The following KLHL8 variants were observed in gnomAD, a reference collection of about 807,000 sequenced individuals.
KLHL8 encodes kelch like family member 8, also known as kelch-like protein 8.
KLHL8 carries 38 observed loss-of-function variants against 63.5 expected under a neutral mutation model. The ratio of observed to expected loss-of-function variants is 0.60; its 90% CI spans 0.46 to 0.78. KLHL8 has a LOEUF of 0.78. KLHL8 is among the 30% of genes least tolerant of loss of function. The probability of loss-of-function intolerance (pLI) is 0.00; values close to 1 mark genes in which losing one functional copy is unlikely to be tolerated. For missense variants in KLHL8, 566 were observed against 752.4 expected (o/e 0.75, Z 2.90); for synonymous variants, 224 against 254.3 (o/e 0.88, Z 1.13).
upstream of KLHL8, among the ~76,000 whole-genome samples, chr4:87,222,274 G>C (rs1732888957): frequency 6.6e-6 from 1 of 152,080 alleles, no homozygotes; most frequent in Non-Finnish European, 1.5e-5. Flanking sequence ...TTTTTCCCAG[G>C]CCATTGTATG....
At chr4:87,200,670 C>G (rs1420908183) in intron 1 of KLHL8, among the ~76,000 whole-genome samples, 1 of 152,102 alleles carries the variant, frequency 6.6e-6, no homozygotes, top group African/African-American at 2.4e-5. Flanking sequence ...AACTGGAAAC[C>G]CTTTCCACTG....
At chr4:87,237,653 T>C (rs1367443174) in intron 1 of KLHL8, among the ~76,000 whole-genome samples, 2 of 151,960 alleles carry the variant, frequency 1.3e-5, no homozygotes, top group African/African-American at 2.4e-5. Flanking sequence ...ATAGTGAAAC[T>C]CTGTCTCTAC....
intron 1 of KLHL8, among the ~76,000 whole-genome samples, chr4:87,226,888 TATATATAAATAATATATA>T (rs1560723826): frequency 3.4e-5 from 1 of 29,666 alleles, no homozygotes; most frequent in Non-Finnish European, 5.5e-5. Flanking sequence ...TAATATATAT[TATATATAAATAATATATA>T]ATATATAAAT....
rs377588116 is a variant in KLHL8, at chr4:87,195,483, T to C, written c.57A>G (p.Lys19=). 5.5e-5 allele frequency: 89 copies of C among 1,613,798 alleles called. 1 individual carries two copies. The African/African-American group carries it at 5.7e-4, about 10-fold the overall frequency. ...TTATTTGCTGGTGCTGTTGTTGCCT[T>C]TTCCCCTTTGTAATGTGATTCCTAG... ...KQARNHITKG[K]RQQQHQQIKN... is the part of the protein sequence containing the mutation. The change falls in exon 2 of 10, where the codon AAA becomes AAG. Residue 19 remains lysine (K), a synonymous_variant. Coordinates refer to ENST00000273963, the MANE Select transcript of KLHL8 (RefSeq NM_020803.5).
chr4:87,232,950 A>G (rs746211438), intron 1 of KLHL8, among the ~76,000 whole-genome samples: 2 of 151,678 alleles, frequency 1.3e-5, no homozygotes, highest in African/African-American at 2.4e-5. Flanking sequence ...TCTTCTGTAC[A>G]TTATGTGAGT....
chr4:87,226,682 T>TAA lies in KLHL8; in HGVS notation n.58-5293_58-5292insTT, dbSNP rs1355759220. On this transcript the variant is annotated intron_variant and non_coding_transcript_variant, in intron 1 of 1. Coordinates refer to the KLHL8 transcript ENST00000506274. ...TTATATATAATATATATTATTTATA[T>TAA]ATAATATATATATTATTTATATATA... is the stretch of plus-strand genomic sequence containing the variant. Among the ~76,000 whole-genome samples, 6 of 9,336 alleles carry TAA rather than the reference T, an allele frequency of 6.4e-4. 1 individual carries two copies. Among genetic ancestry groups the TAA allele is most frequent in the African/African-American group, 6.4e-3 (6 of 940 alleles). 6.1% of individuals were successfully genotyped at this position (9,336 alleles called of 152,430 possible).
intron 6 of KLHL8, among the ~76,000 whole-genome samples, chr4:87,172,391 C>T (rs1730668964): frequency 6.6e-6 from 1 of 152,144 alleles, no homozygotes; most frequent in Admixed American, 6.5e-5. Flanking sequence ...CCTTGTGGGA[C>T]CCTAAGTAGA....
chr4:87,164,943 T>C (rs558465163), intron 8 of KLHL8, among the ~76,000 whole-genome samples: 2 of 151,890 alleles, frequency 1.3e-5, no homozygotes, highest in African/African-American at 4.8e-5. Flanking sequence ...GGTCAGGAGA[T>C]CGAGACCATC....
At chr4:87,210,137 C>T (rs975649184) in intron 1 of KLHL8, among the ~76,000 whole-genome samples, 5 of 151,714 alleles carry the variant, frequency 3.3e-5, no homozygotes, top group African/African-American at 9.7e-5. Context: ...GGATTACAGG[C>T]ATGAGCCACT....
At chr4:87,170,895 A>G (rs923547981) in intron 6 of KLHL8, among the ~76,000 whole-genome samples, 3 of 152,204 alleles carry the variant, frequency 2.0e-5, no homozygotes, top group African/African-American at 7.2e-5. Context: ...ACAAAATAGT[A>G]TAAAAGAGTT....
intron 2 of KLHL8, among the ~76,000 whole-genome samples, chr4:87,186,191 A>G (rs1258498094): frequency 6.6e-6 from 1 of 151,906 alleles, no homozygotes; most frequent in Non-Finnish European, 1.5e-5. Context: ...GGCGTGCACC[A>G]CCACGCCTGG....
chr4:87,237,538 A>G (rs780349182), intron 1 of KLHL8, among the ~76,000 whole-genome samples: 49 of 152,298 alleles, frequency 3.2e-4, no homozygotes, highest in Non-Finnish European at 6.3e-4. Flanking sequence ...GATTAAATAA[A>G]CAAATCATAG....
At chr4:87,205,066 C>T (rs17012552) in intron 1 of KLHL8, among the ~76,000 whole-genome samples, 22,562 of 152,148 alleles carry the variant, frequency 0.15, 3,514 homozygotes, top group African/African-American at 0.39. Context: ...GCAATATAAT[C>T]ACAAGCCACT....
chr4:87,193,929 AATGG>A (rs1259529331), intron 2 of KLHL8, among the ~76,000 whole-genome samples: 1 of 152,234 alleles, frequency 6.6e-6, no homozygotes, highest in Non-Finnish European at 1.5e-5. Context: ...TTACTAGCGG[AATGG>A]ATGAAGTAAA....
At chr4:87,180,894 T>A (rs7356478) in intron 4 of KLHL8, among the ~76,000 whole-genome samples, 144,651 of 151,532 alleles carry the variant, frequency 0.95, 69,386 homozygotes, top group East Asian at 1. Flanking sequence ...AAGAAAAAAA[T>A]ATATCTGGGT....
chr4:87,180,197 A>C (rs770036792), intron 4 of KLHL8, among the ~76,000 whole-genome samples: 17 of 152,194 alleles, frequency 1.1e-4, no homozygotes, highest in Admixed American at 3.9e-4. Context: ...ATTAGCATTT[A>C]TTTAACACAC....
intron 6 of KLHL8, among the ~76,000 whole-genome samples, chr4:87,171,122 T>C (rs77525173): frequency 0.011 from 1,742 of 152,290 alleles, 39 homozygotes; most frequent in African/African-American, 0.04. Context: ...AGCGTATTTA[T>C]TTCTCTCTAA....
chr4:87,212,688 T>C (rs542122257), intron 1 of KLHL8, among the ~76,000 whole-genome samples: 16 of 152,378 alleles, frequency 1.1e-4, no homozygotes, highest in African/African-American at 3.6e-4. Flanking sequence ...GACCAATGCA[T>C]AGATGATAGT....
intron 3 of KLHL8, among the ~76,000 whole-genome samples, chr4:87,184,216 G>A (rs1731164650): frequency 6.6e-6 from 1 of 152,124 alleles, no homozygotes; most frequent in South Asian, 2.1e-4. Context: ...TATTTGCTTT[G>A]CTGACAAACT....
Sources: gnomAD v4.1 joint callset for allele counts (sites outside exome capture counted in the v4.1 genomes callset) on GRCh38, gnomAD v4.1.1 for gene constraint, MANE v1.5 for transcripts, NCBI Gene and HGNC (gene_info 2026-07-23, HGNC 2026-07-21) for gene names.